The following BCL9L variants were observed in gnomAD, a reference collection of about 807,000 sequenced individuals.
BCL9L encodes B-cell CLL/lymphoma 9-like protein.
A neutral mutation model predicts 99.4 loss-of-function variants in BCL9L; 19 were observed. The observed-to-expected ratio is 0.19, with a 90% CI of 0.13 to 0.28. The LOEUF (loss-of-function observed/expected upper bound fraction) is 0.28, where lower values mean the gene tolerates loss of function less well. Ranked by LOEUF, BCL9L falls within the 10% of genes least tolerant of loss-of-function variation. BCL9L has a pLI of 1.00. For synonymous variants in BCL9L, 900 were observed against 854.8 expected, an observed-to-expected ratio of 1.05 and a Z score of -0.92; for missense variants, 2,023 against 2,101.6, an observed-to-expected ratio of 0.96 and a Z score of 0.73.
At position 118,908,494 on chromosome 11, in the gene BCL9L, T is replaced by G. The variant is rs770436229; in HGVS notation, c.188A>C (p.Asn63Thr). 1 of 1,614,102 alleles carries G rather than the reference T, an allele frequency of 6.2e-7. No homozygotes were observed. The highest frequency in any genetic ancestry group is 1.1e-5 in the South Asian group (1 of 91,086). The change falls in exon 4 of 10, where the codon AAC becomes ACC. Residue 63 changes from asparagine to threonine, a missense_variant. Physicochemically the swap from Asn to Thr is moderately conservative, Grantham distance 65. This residue lies in a region of BCL9L where 1,116 missense variants were observed against 1,194.6 expected (regional missense o/e 0.93). Coordinates refer to ENST00000683865, the MANE Select transcript of BCL9L (RefSeq NM_001378213.1). ...GCCCACGTTGCAGGTGGGTCCTTGG[T>G]TCACATTCTGGTGCTGAGATTGGGC... ...GGAQSQHQNV[N>T]QGPTCNVGSK...
intron 2 of BCL9L, chr11:118,911,286 A>G (rs1024906295): frequency 8.8e-6 from 4 of 455,412 alleles, no homozygotes; most frequent in African/African-American, 8.0e-5. Context: ...AGGCCCGGCC[A>G]GACACCGGTG....
In BCL9L at chr11:118,914,893, T is replaced by C. The variant is rs1378679278; in HGVS notation, c.-77+3933A>G. Among the ~76,000 whole-genome samples, 1 of 152,100 alleles carries C rather than the reference T, an allele frequency of 6.6e-6. No individual in the cohort carries two copies. Among genetic ancestry groups the C allele is most frequent in the Non-Finnish European group, 1.5e-5 (1 of 67,998 alleles). ...TGGCACACGCCTGTAATCCCAGCAC[T>C]TTAGGAGGTCAAGGCAGGTGGATCA... On this transcript the variant is annotated intron_variant, in intron 2 of 9. Transcript: ENST00000683865. This position sits in a 1 kb window ranked among gnomAD's most constrained non-coding sequence, Gnocchi z 4.4.
In BCL9L at chr11:118,899,020, G is replaced by A; in HGVS notation, c.3895C>T (p.Pro1299Ser). The change falls in exon 10 of 10, where the codon CCT becomes TCT. Residue 1299 changes from proline (P) to serine (S), a missense_variant. Transcript: ENST00000683865. ...MGDAYPPGVL[P>S]GVASVLNDPE... ...TCGTTCAGCACTGATGCCACCCCAG[G>A]GAGCACACCCGGTGGGTATGCGTCG... is the stretch of plus-strand genomic sequence containing the variant. 1 of 1,613,686 alleles carries A rather than the reference G, an allele frequency of 6.2e-7. No individual in the cohort carries two copies. Among genetic ancestry groups the A allele is most frequent in the South Asian group, 1.1e-5 (1 of 91,060 alleles).
rs2137690134 is a variant in BCL9L at position 118,901,360 on chromosome 11, G to C, written c.2383C>G (p.Leu795Val). The change falls in exon 8 of 10, where the codon CTG (leucine) becomes GTG (valine). Residue 795 changes from leucine to valine, a missense_variant. By Grantham distance (32) the Leu-to-Val change is conservative. Coordinates refer to ENST00000683865, the MANE Select transcript of BCL9L (RefSeq NM_001378213.1). This position sits in a 1 kb window ranked among gnomAD's most constrained non-coding sequence, Gnocchi z 6.6. ...NVQMTPQQQM[L>V]MSQKMRGPGD... ...GGGCCCCGCATCTTCTGCGACATCAGCATCTGCTGCTGCGGGGTCATCTGC... is the reference window on the plus strand; with the variant it reads ...GGGCCCCGCATCTTCTGCGACATCACCATCTGCTGCTGCGGGGTCATCTGC... The C allele has an allele frequency of 6.2e-7, 1 of 1,613,786 alleles. No individual in the cohort carries two copies. Among genetic ancestry groups the C allele is most frequent in the Non-Finnish European group, 8.5e-7 (1 of 1,179,970 alleles).
chr11:118,898,993 G>A lies in BCL9L; in HGVS notation c.3922C>T (p.Pro1308Ser), dbSNP rs1034028465. Residue 1308 changes from proline to serine, a missense_variant, in exon 10 of 10, where the codon CCC (proline) becomes TCC (serine). Transcript: ENST00000683865. ...GGCCGGATCACCTCGCTCAGCTCGG[G>A]GTCGTTCAGCACTGATGCCACCCCA... ...LPGVASVLND[P>S]ELSEVIRPTP... is the part of the protein sequence containing the mutation. 6.2e-7 allele frequency: 1 copy of A among 1,613,884 alleles called. No individual in the cohort carries two copies. Among genetic ancestry groups the A allele is most frequent in the Non-Finnish European group, 8.5e-7 (1 of 1,179,914 alleles).
At chr11:118,920,399 G>T (rs1194436581) in intron 1 of BCL9L, among the ~76,000 whole-genome samples, 2 of 152,124 alleles carry the variant, frequency 1.3e-5, no homozygotes, top group African/African-American at 4.8e-5. Context: ...AGGCTACAAG[G>T]GCAGCTGGCC....
Position 118,909,951 on chromosome 11 carries a change from A to C in BCL9L, c.-12T>G. ...GCCAGGATCCTCATGGCTCCCACAC[A>C]CAGTGGGGCTACGGCCCCTGTGCGT... is the stretch of plus-strand genomic sequence containing the variant. On this transcript the variant is annotated 5_prime_UTR_variant, in exon 3 of 10. Coordinates refer to ENST00000683865, the MANE Select transcript of BCL9L (RefSeq NM_001378213.1). The C allele has an allele frequency of 6.2e-7, 1 of 1,613,814 alleles. No homozygotes were observed. The highest frequency in any genetic ancestry group is 8.5e-7 in the Non-Finnish European group (1 of 1,179,860).
chr11:118,900,696 G>C lies in BCL9L; in HGVS notation c.3047C>G (p.Pro1016Arg). The change falls in exon 8 of 10, where the codon CCC becomes CGC. Residue 1016 changes from proline (P) to arginine (R), a missense_variant. Around this residue, in one of 3 missense-constraint regions of BCL9L, gnomAD observed 902 missense variants for 888.2 expected, o/e 1.02. Transcript: ENST00000683865. The surrounding 1 kb of genome is among the most constrained non-coding windows in gnomAD (Gnocchi z 5.3). ...CTTGTTCTGGGAGACCCCCGGGCTG[G>C]GCATGGCCGTCTTAGGTGAGGCAAC... ...GWVASPKTAM[P>R]SPGVSQNKQP... The C allele has an allele frequency of 6.2e-7, 1 of 1,613,898 alleles. No homozygotes were observed. Among genetic ancestry groups the C allele is most frequent in the Admixed American group, 1.7e-5 (1 of 60,018 alleles).
chr11:118,898,188 T>G lies in BCL9L; in HGVS notation c.*227A>C. ...AGGAGTGGGGGAGGGGCAGTCCTGG[T>G]GGCCGAAATGGAACCAACCCCAATG... On this transcript the variant is annotated 3_prime_UTR_variant, in exon 10 of 10. Transcript: ENST00000683865. The G allele has an allele frequency of 1.6e-6, 1 of 618,806 alleles. No individual in the cohort carries two copies. The highest frequency in any genetic ancestry group is 2.8e-5 in the East Asian group (1 of 35,432). 38.3% of individuals were successfully genotyped at this position (618,806 alleles called of 1,614,324 possible). A position where few individuals can be genotyped will look rare whatever the true frequency, so the allele number is the denominator to read the frequency against.
intron 5 of BCL9L, among the ~76,000 whole-genome samples, chr11:118,904,270 G>A (rs909462744): frequency 1.3e-5 from 2 of 151,642 alleles, no homozygotes; most frequent in East Asian, 1.9e-4. Flanking sequence ...GTGAAACCCC[G>A]TCTCTACTAA....
In BCL9L at chr11:118,898,529, G is replaced by A. The variant is rs765668449; in HGVS notation, c.4386C>T (p.Pro1462=). ...ACACCATGAGGTTCTGCTGGGGCGG[G>A]GGGCCCATGAGGGAGCCCTGCGGGG... ...MLSPQGSLMG[P]PPQQNLMVSH... Residue 1462 remains proline, a synonymous_variant, in exon 10 of 10, where the codon CCC becomes CCT. Transcript: ENST00000683865. 3.7e-6 allele frequency: 6 copies of A among 1,600,324 alleles called. No homozygotes were observed. In the South Asian group the frequency reaches 6.6e-5, roughly 18 times the overall value.
At chr11:118,904,995 AG>A (rs1940447477) in intron 5 of BCL9L, among the ~76,000 whole-genome samples, 3 of 152,332 alleles carry the variant, frequency 2.0e-5, no homozygotes, top group South Asian at 4.1e-4. Context: ...GGAACTTTCT[AG>A]TACAATAACA....
rs756764662 is a variant in BCL9L at position 118,898,930 on chromosome 11, T to C, written c.3985A>G (p.Ile1329Val). The C allele has an allele frequency of 6.2e-7, 1 of 1,612,822 alleles. No homozygotes were observed. Among genetic ancestry groups the C allele is most frequent in the Admixed American group, 1.7e-5 (1 of 59,936 alleles). Reference protein sequence around the residue: ...TGIPEFDLSRIIPSEKPSSTL... With the variant: ...TGIPEFDLSRVIPSEKPSSTL... The stretch of plus-strand genomic sequence containing the variant: ...CTGCTTGGCTTCTCAGAGGGGATGA[T>C]CCTCGACAAGTCGAACTCGGGGATC... The change falls in exon 10 of 10, where the codon ATC becomes GTC. Residue 1329 changes from isoleucine to valine, a missense_variant. Ile to Val is a conservative substitution (Grantham distance 29). This residue lies in a region of BCL9L where 902 missense variants were observed against 888.2 expected (regional missense o/e 1.02). Coordinates refer to ENST00000683865, the MANE Select transcript of BCL9L (RefSeq NM_001378213.1).
Position 118,898,815 on chromosome 11 carries a change from G to A in BCL9L, c.4100C>T (p.Ala1367Val), listed in dbSNP as rs778684642. 37 of 1,613,936 alleles carry A rather than the reference G, an allele frequency of 2.3e-5. No homozygotes were observed. Among genetic ancestry groups the A allele is most frequent in the South Asian group, 6.6e-5 (6 of 91,086 alleles). Residue 1367 changes from alanine to valine, a missense_variant, in exon 10 of 10, where the codon GCG becomes GTG. This residue lies in a region of BCL9L where 902 missense variants were observed against 888.2 expected (regional missense o/e 1.02). Coordinates refer to ENST00000683865, the MANE Select transcript of BCL9L (RefSeq NM_001378213.1). ...GGGAGGCCGAGAGGGAGTCTGCTCC[G>A]CCATCATGTTCTGCAGGTTCATGAG... ...LHLMNLQNMM[A>V]EQTPSRPPNL...
At chr11:118,904,071 G>A (rs889488113) in intron 5 of BCL9L, among the ~76,000 whole-genome samples, 1 of 152,176 alleles carries the variant, frequency 6.6e-6, no homozygotes, top group African/African-American at 2.4e-5. Flanking sequence ...CCTCCTCCTT[G>A]CACAGGGGGC....
chr11:118,918,517 GTGAGATCCGC>G (rs1941042134), intron 2 of BCL9L, among the ~76,000 whole-genome samples: 1 of 151,964 alleles, frequency 6.6e-6, no homozygotes, highest in Non-Finnish European at 1.5e-5. Context: ...CGGGTGGGGG[GTGAGATCCGC>G]TGAGATAGAG....
Position 118,899,381 on chromosome 11 carries a change from G to T in BCL9L, c.3534C>A (p.Pro1178=), listed in dbSNP as rs566571676. Residue 1178 remains proline, a synonymous_variant, in exon 10 of 10, where the codon CCC becomes CCA. Transcript: ENST00000683865. The stretch of plus-strand genomic sequence containing the variant: ...GTGGAATGTTGGAGCCCAGAGGGGT[G>T]GGGGAGGGCAGCATGGCGGGCGGGG... The part of the protein sequence containing the change: ...HEPPPAMLPS[P]TPLGSNIPLH... 70 of 1,584,074 alleles carry T rather than the reference G, an allele frequency of 4.4e-5. No individual in the cohort carries two copies. In the African/African-American group the frequency reaches 7.9e-4, roughly 18 times the overall value.
At position 118,902,879 on chromosome 11, in the gene BCL9L, C is replaced by A; in HGVS notation, c.864G>T (p.Pro288=). The stretch of plus-strand genomic sequence containing the variant: ...CTGCTGACGGCGTGCTCAGGGGTAG[C>A]GGTTCTGGGGTGGGGGGCACTTTAG... ...QAPKVPPTPE[P]LPLSTPSAGT... Residue 288 remains proline, a synonymous_variant, in exon 8 of 10, where the codon CCG becomes CCT. Transcript: ENST00000683865. The surrounding 1 kb of genome is among the most constrained non-coding windows in gnomAD (Gnocchi z 7.8). 1 of 1,559,234 alleles carries A rather than the reference C, an allele frequency of 6.4e-7. No individual in the cohort carries two copies. The highest frequency in any genetic ancestry group is 8.6e-7 in the Non-Finnish European group (1 of 1,158,026).
chr11:118,909,997 C>G lies in BCL9L; in HGVS notation c.-58G>C. On this transcript the variant is annotated 5_prime_UTR_variant, in exon 3 of 10. Coordinates refer to ENST00000683865, the MANE Select transcript of BCL9L (RefSeq NM_001378213.1). ...TGCGTGCCCAGGGCCCAGCCAGGTA[C>G]TCGGTACTGGAGCACGGACTGCAGC... 6.2e-7 allele frequency: 1 copy of G among 1,612,942 alleles called. No individual in the cohort carries two copies. Among genetic ancestry groups the G allele is most frequent in the Non-Finnish European group, 8.5e-7 (1 of 1,179,294 alleles).
Sources: allele counts gnomAD v4.1 joint callset (sites outside exome capture counted in the v4.1 genomes callset), GRCh38; gene constraint gnomAD v4.1.1; regional missense constraint gnomAD v4.1.1; non-coding constraint Gnocchi (gnomAD v3.1); transcripts MANE v1.5; gene names NCBI Gene and HGNC (gene_info 2026-07-23, HGNC 2026-07-21).